The following PPP3CB variants were observed in gnomAD, a reference collection of about 807,000 sequenced individuals.
PPP3CB encodes serine/threonine-protein phosphatase 2B catalytic subunit beta isoform.
PPP3CB carries 8 observed loss-of-function variants against 66.4 expected under a neutral mutation model. The observed-to-expected ratio is 0.12, with a 90% CI of 0.07 to 0.22. The LOEUF (loss-of-function observed/expected upper bound fraction) is 0.22, where lower values mean the gene tolerates loss of function less well. Among genes scored for constraint, PPP3CB ranks in the 10% least tolerant of loss-of-function variants. PPP3CB has a pLI of 1.00. For missense variants in PPP3CB, 319 were observed against 642.5 expected (o/e 0.50, Z 5.44); for synonymous variants, 208 against 221.2 (o/e 0.94, Z 0.53).
chr10:73,468,270 CAA>C (rs934588635), intron 8 of PPP3CB, among the ~76,000 whole-genome samples: 1 of 151,860 alleles, frequency 6.6e-6, no homozygotes, highest in Non-Finnish European at 1.5e-5. Flanking sequence ...ACTAAAACAC[CAA>C]AAGAGAATAT....
chr10:73,478,127 T>C (rs2056820615), intron 3 of PPP3CB, among the ~76,000 whole-genome samples: 1 of 152,122 alleles, frequency 6.6e-6, no homozygotes, highest in African/African-American at 2.4e-5. Context: ...AATCACAATA[T>C]ACTTTATTTA....
rs192318263 is a variant in PPP3CB, at chr10:73,450,194, C to T, written c.1187-3621G>A. Among the ~76,000 whole-genome samples the T allele has an allele frequency of 3.7e-4, 56 of 152,344 alleles. 1 individual carries two copies. The East Asian group carries it at 0.01, about 28-fold the overall frequency. On this transcript the variant is annotated intron_variant, in intron 10 of 13. Transcript: ENST00000360663. Reference sequence around the variant, plus strand: ...TCCCCAAAGAAAAACTAAACCCTTACTCTGATTCCACAGCCATCCCATCAA... The same window carrying T: ...TCCCCAAAGAAAAACTAAACCCTTATTCTGATTCCACAGCCATCCCATCAA...
chr10:73,484,056 C>T (rs1002316229), intron 1 of PPP3CB, among the ~76,000 whole-genome samples: 4 of 151,698 alleles, frequency 2.6e-5, no homozygotes, highest in African/African-American at 9.7e-5. Flanking sequence ...GCACAAGAAT[C>T]GCTTGAACCT....
At chr10:73,443,669 T>C (rs1356997496) in intron 12 of PPP3CB, 2 of 152,226 alleles carry the variant, frequency 1.3e-5, no homozygotes, top group Non-Finnish European at 1.5e-5. Context: ...AATACTCACA[T>C]CACTCTCTTC....
chr10:73,443,340 G>A (rs1437990509), intron 12 of PPP3CB, among the ~76,000 whole-genome samples: 7 of 142,430 alleles, frequency 4.9e-5, no homozygotes, highest in Non-Finnish European at 9.3e-5. Flanking sequence ...AAAAGAAAGA[G>A]AAGAGAAGAG....
chr10:73,471,630 C>T lies in PPP3CB; in HGVS notation c.524-17G>A. 6.4e-7 allele frequency: 1 copy of T among 1,554,110 alleles called. No homozygotes were observed. Among genetic ancestry groups the T allele is most frequent in the Admixed American group, 2.0e-5 (1 of 51,010 alleles). On this transcript the variant is annotated splice_polypyrimidine_tract_variant and intron_variant, in intron 4 of 13. Transcript: ENST00000360663. Reference sequence around the variant, plus strand: ...TAATTTTACCTAGAAAAACAAAAAACTAATTGAAAATTACATTACTGGTGG... The same window carrying T: ...TAATTTTACCTAGAAAAACAAAAAATTAATTGAAAATTACATTACTGGTGG...
intron 1 of PPP3CB, among the ~76,000 whole-genome samples, chr10:73,490,173 A>G (rs2057049436): frequency 6.6e-6 from 1 of 152,180 alleles, no homozygotes. Flanking sequence ...CCTCTATTTT[A>G]ATCCTAACCA....
intron 12 of PPP3CB, among the ~76,000 whole-genome samples, chr10:73,441,146 A>G (rs2056140199): frequency 6.6e-6 from 1 of 152,258 alleles, no homozygotes; most frequent in Non-Finnish European, 1.5e-5. Context: ...TTTTATCCAA[A>G]GCAATTATTA....
chr10:73,463,995 A>G (rs866737333), intron 9 of PPP3CB, among the ~76,000 whole-genome samples: 1 of 151,472 alleles, frequency 6.6e-6, no homozygotes, highest in East Asian at 1.9e-4. Flanking sequence ...CAGTGGTGCA[A>G]TCTCAGCTCA....
chr10:73,451,159 T>C (rs896400601), intron 10 of PPP3CB, among the ~76,000 whole-genome samples: 7 of 151,984 alleles, frequency 4.6e-5, no homozygotes, highest in African/African-American at 1.4e-4. Flanking sequence ...TCTACCATCA[T>C]GCCTATTTAA....
At chr10:73,477,623 A>C (rs2056812483) in intron 3 of PPP3CB, among the ~76,000 whole-genome samples, 1 of 152,206 alleles carries the variant, frequency 6.6e-6, no homozygotes, top group Non-Finnish European at 1.5e-5. Flanking sequence ...TGTTTATATA[A>C]TTTAAAAAGA....
intron 1 of PPP3CB, among the ~76,000 whole-genome samples, chr10:73,490,623 T>G (rs2057056851): frequency 6.6e-6 from 1 of 152,240 alleles, no homozygotes; most frequent in African/African-American, 2.4e-5. Flanking sequence ...TTACAACTCT[T>G]GCCAATTCAT....
intron 10 of PPP3CB, among the ~76,000 whole-genome samples, chr10:73,449,179 G>C (rs373350430): frequency 2.4e-3 from 365 of 152,272 alleles, no homozygotes; most frequent in African/African-American, 8.3e-3. Context: ...AGTACATTCA[G>C]AGAAATGTAG....
rs1192680083 is a variant in PPP3CB at position 73,495,946 on chromosome 10, C to T, written c.-57G>A. ...CGGGCGGGGTTGGGGGCGGGGGCGG[C>T]GGCTACCAGAGCCAAGCGGCGGCGC... On this transcript the variant is annotated 5_prime_UTR_variant, in exon 1 of 14. Coordinates refer to ENST00000360663, the MANE Select transcript of PPP3CB (RefSeq NM_021132.4). The T allele has an allele frequency of 9.9e-6, 10 of 1,007,166 alleles. No individual in the cohort carries two copies. Among genetic ancestry groups the T allele is most frequent in the African/African-American group, 5.1e-5 (3 of 58,256 alleles). 62.4% of individuals were successfully genotyped at this position (1,007,166 alleles called of 1,614,324 possible).
At chr10:73,463,802 A>G (rs997275548) in intron 9 of PPP3CB, among the ~76,000 whole-genome samples, 1 of 146,276 alleles carries the variant, frequency 6.8e-6, no homozygotes, top group Non-Finnish European at 1.5e-5. Context: ...GCCACCTGTA[A>G]TTTTTTGTAT....
intron 1 of PPP3CB, among the ~76,000 whole-genome samples, chr10:73,493,368 G>A (rs996482392): frequency 6.6e-6 from 1 of 151,812 alleles, no homozygotes; most frequent in Non-Finnish European, 1.5e-5. Context: ...AAAATGTATC[G>A]ATACAAAACT....
intron 9 of PPP3CB, among the ~76,000 whole-genome samples, chr10:73,462,817 A>T (rs2056545950): frequency 6.6e-6 from 1 of 151,766 alleles, no homozygotes. Flanking sequence ...AGGTGTGGTG[A>T]CATGCACCTG....
chr10:73,481,803 C>CT (rs144330340), intron 1 of PPP3CB, among the ~76,000 whole-genome samples: 80 of 145,034 alleles, frequency 5.5e-4, no homozygotes, highest in East Asian at 1.0e-3. Context: ...ACTAATCCCT[C>CT]TTTTTTTTTT....
At chr10:73,450,208 C>A (rs1016337181) in intron 10 of PPP3CB, among the ~76,000 whole-genome samples, 1 of 152,206 alleles carries the variant, frequency 6.6e-6, no homozygotes, top group Admixed American at 6.5e-5. Flanking sequence ...GATTCCACAG[C>A]CATCCCATCA....
Sources: allele counts gnomAD v4.1 joint callset (sites outside exome capture counted in the v4.1 genomes callset), GRCh38; gene constraint gnomAD v4.1.1; transcripts MANE v1.5; gene names NCBI Gene and HGNC (gene_info 2026-07-23, HGNC 2026-07-21).